The following COBL variants were observed in gnomAD, a reference collection of about 807,000 sequenced individuals.
The protein encoded by COBL is cordon-bleu WH2 repeat protein, also known as protein cordon-bleu.
COBL carries 51 observed loss-of-function variants against 98.8 expected under a neutral mutation model. That is an observed-to-expected ratio of 0.52 (90% confidence interval 0.41 to 0.65). COBL has a LOEUF of 0.65. COBL is among the 30% of genes least tolerant of loss of function. The probability of loss-of-function intolerance (pLI) is 0.00; values close to 1 mark genes in which losing one functional copy is unlikely to be tolerated. For synonymous variants in COBL, 634 were observed against 651.7 expected (o/e 0.97, Z 0.41); for missense variants, 1,617 against 1,617.5 (o/e 1.00, Z 0.01).
intron 6 of COBL, among the ~76,000 whole-genome samples, chr7:51,096,840 G>A (rs1027420699): frequency 2.0e-5 from 3 of 152,038 alleles, no homozygotes; most frequent in Admixed American, 1.3e-4. Flanking sequence ...TCAGGAAATC[G>A]AATCAGTAAC....
Position 51,172,597 on chromosome 7 carries a change from C to T in COBL, c.783+11505G>A, listed in dbSNP as rs1033063459. ...TTCAGACAGAAAACATAGTCCTTAG[C>T]GATCATTAAGGCAAAAATGCCAGTG... On this transcript the variant is annotated intron_variant, in intron 5 of 12. Coordinates refer to ENST00000265136, the MANE Select transcript of COBL (RefSeq NM_015198.5). 7.5e-5 allele frequency: 88 copies of T among 1,179,336 alleles called. No individual in the cohort carries two copies. The African/African-American group carries it at 1.2e-3, about 16-fold the overall frequency. The allele number at this position is 1,179,336 out of a possible 1,614,324, so 73.1% of individuals were successfully genotyped here.
intron 1 of COBL, among the ~76,000 whole-genome samples, chr7:51,309,158 C>T (rs981182727): frequency 1.3e-5 from 2 of 152,136 alleles, no homozygotes; most frequent in African/African-American, 2.4e-5. Context: ...TCTCTGATCC[C>T]CCCTGCCTCC....
intron 5 of COBL, among the ~76,000 whole-genome samples, chr7:51,147,699 T>C (rs1785158752): frequency 6.6e-6 from 1 of 151,932 alleles, no homozygotes; most frequent in Admixed American, 6.5e-5. Flanking sequence ...CCAGGGCAAA[T>C]ATTTAGGCGA....
chr7:51,306,326 A>G (rs1420409546), intron 1 of COBL, among the ~76,000 whole-genome samples: 1 of 152,184 alleles, frequency 6.6e-6, no homozygotes, highest in Non-Finnish European at 1.5e-5. Context: ...CCCTAAAAGC[A>G]TCACCCAGCT....
intron 7 of COBL, among the ~76,000 whole-genome samples, chr7:51,052,889 T>G (rs1790374166): frequency 1.3e-5 from 2 of 152,224 alleles, no homozygotes; most frequent in African/African-American, 4.8e-5. Flanking sequence ...ACACTGTTCA[T>G]CTATCACTCT....
chr7:51,175,860 G>A (rs1234123368), intron 5 of COBL, among the ~76,000 whole-genome samples: 1 of 152,210 alleles, frequency 6.6e-6, no homozygotes, highest in Non-Finnish European at 1.5e-5. Flanking sequence ...TATGGGCTCA[G>A]AGACAGCAGT....
chr7:51,167,148 G>A (rs1306619602), intron 5 of COBL, among the ~76,000 whole-genome samples: 29 of 152,066 alleles, frequency 1.9e-4, no homozygotes, highest in African/African-American at 6.3e-4. Context: ...AAATTGGAAA[G>A]GAAGAAGTCA....
intron 5 of COBL, among the ~76,000 whole-genome samples, chr7:51,171,628 T>A (rs554677390): frequency 1.3e-5 from 2 of 152,080 alleles, no homozygotes; most frequent in Admixed American, 6.5e-5. Context: ...TCAATAGTTG[T>A]AATATATTTA....
At chr7:51,050,311 A>G (rs1025978150) in intron 7 of COBL, among the ~76,000 whole-genome samples, 1 of 152,222 alleles carries the variant, frequency 6.6e-6, no homozygotes, top group Non-Finnish European at 1.5e-5. Flanking sequence ...TAACGTGCCT[A>G]TTAGAGTCCC....
chr7:51,152,936 C>T (rs1319880117), intron 5 of COBL, among the ~76,000 whole-genome samples: 1 of 152,180 alleles, frequency 6.6e-6, no homozygotes, highest in East Asian at 1.9e-4. Context: ...CAAGAATCCT[C>T]TGAAAGAGCA....
chr7:51,283,869 TG>T (rs1405833990), intron 1 of COBL, among the ~76,000 whole-genome samples: 1 of 151,554 alleles, frequency 6.6e-6, no homozygotes, highest in Non-Finnish European at 1.5e-5. Flanking sequence ...GCATTTAAAA[TG>T]AAAAACAAAA....
chr7:51,244,093 C>T (rs930793244), intron 1 of COBL, among the ~76,000 whole-genome samples: 2 of 152,212 alleles, frequency 1.3e-5, no homozygotes, highest in African/African-American at 2.4e-5. Context: ...CCCTCCTCTC[C>T]AGCACAGTTT....
intron 5 of COBL, among the ~76,000 whole-genome samples, chr7:51,162,530 C>T (rs1379289864): frequency 6.6e-6 from 1 of 152,106 alleles, no homozygotes; most frequent in East Asian, 1.9e-4. Flanking sequence ...AATCTATTCT[C>T]ATAGAGTCTT....
At chr7:51,189,432 G>A (rs981335974) in intron 4 of COBL, among the ~76,000 whole-genome samples, 1 of 152,114 alleles carries the variant, frequency 6.6e-6, no homozygotes, top group Non-Finnish European at 1.5e-5. Flanking sequence ...TCAGGAGTTC[G>A]AGACCAGCCT....
chr7:51,312,698 T>C (rs1803173693), intron 1 of COBL, among the ~76,000 whole-genome samples: 1 of 152,090 alleles, frequency 6.6e-6, no homozygotes, highest in Admixed American at 6.5e-5. Context: ...TGCATATACG[T>C]GGGGGCTGTC....
intron 5 of COBL, among the ~76,000 whole-genome samples, chr7:51,166,530 C>G (rs1005859650): frequency 6.6e-6 from 1 of 151,918 alleles, no homozygotes; most frequent in African/African-American, 2.4e-5. Flanking sequence ...AACATTTAAA[C>G]AAGAACTAAT....
chr7:51,054,163 G>A (rs1416948540), intron 7 of COBL, among the ~76,000 whole-genome samples: 1 of 152,180 alleles, frequency 6.6e-6, no homozygotes, highest in African/African-American at 2.4e-5. Context: ...CAGCCTAGGG[G>A]ACAGAGTGAG....
intron 1 of COBL, among the ~76,000 whole-genome samples, chr7:51,292,100 T>A (rs1309972267): frequency 6.6e-6 from 1 of 150,876 alleles, no homozygotes; most frequent in African/African-American, 2.4e-5. Context: ...TGAGCCGAGA[T>A]TGTGCCACTG....
intron 2 of COBL, among the ~76,000 whole-genome samples, chr7:51,214,272 A>AAAAT (rs34766805): frequency 0.39 from 54,208 of 140,036 alleles, 10,798 homozygotes; most frequent in South Asian, 0.46. Context: ...TCATCTATTA[A>AAAAT]AAATAAATAA....
Sources: allele counts gnomAD v4.1 joint callset (sites outside exome capture counted in the v4.1 genomes callset), GRCh38; gene constraint gnomAD v4.1.1; transcripts MANE v1.5; gene names NCBI Gene and HGNC (gene_info 2026-07-23, HGNC 2026-07-21).